ITGB3: variants seen among roughly 807,000 people sequenced by gnomAD.
ITGB3 encodes the protein integrin beta-3.
ITGB3 carries 48 observed loss-of-function variants against 85.8 expected under a neutral mutation model. That is an observed-to-expected ratio of 0.56 (90% CI 0.44 to 0.71). The LOEUF is 0.71. ITGB3 is among the 30% of genes least tolerant of loss of function. ITGB3 has a pLI of 0.00. For missense variants in ITGB3, 861 were observed against 1,019.1 expected (o/e 0.84, Z 2.11); for synonymous variants, 363 against 395.6 (o/e 0.92, Z 0.98).
intron 1 of ITGB3, among the ~76,000 whole-genome samples, chr17:47,267,305 A>G (rs921321016): frequency 1.3e-5 from 2 of 152,158 alleles, no homozygotes; most frequent in African/African-American, 4.8e-5. Context: ...TGTAAGTGAC[A>G]TTATGGTGAA....
At chr17:47,307,421 T>C (rs2065192611) in intron 13 of ITGB3, 50 bp from the exon 14 acceptor site, 16 of 1,605,274 alleles carry the variant, frequency 1.0e-5, no homozygotes, top group Non-Finnish European at 1.4e-5. Flanking sequence ...CCAGTTCAAG[T>C]GACTCCTGCT....
intron 2 of ITGB3, among the ~76,000 whole-genome samples, chr17:47,274,835 C>G (rs759021489): frequency 3.3e-5 from 5 of 152,124 alleles, no homozygotes; most frequent in Non-Finnish European, 7.3e-5. Context: ...TTGGTAGAGA[C>G]AGGGTCTCAC....
chr17:47,278,065 A>G (rs2065069939), intron 2 of ITGB3, among the ~76,000 whole-genome samples: 1 of 152,156 alleles, frequency 6.6e-6, no homozygotes, highest in Admixed American at 6.6e-5. Context: ...AATACCAACA[A>G]CTATAAACAA....
In ITGB3 at chr17:47,253,867, A is replaced by G; in HGVS notation, c.6A>G (p.Arg2=). Residue 2 remains arginine, a synonymous_variant, in exon 1 of 15, where the codon CGA becomes CGG. Transcript: ENST00000559488. M[R]ARPRPRPLWA... is the part of the protein sequence containing the mutation. ...CGCCGCGGGAGGCGGACGAGATGCGAGCGCGGCCGCGGCCCCGGCCGCTCT... is the reference window on the plus strand; with the variant it reads ...CGCCGCGGGAGGCGGACGAGATGCGGGCGCGGCCGCGGCCCCGGCCGCTCT... 8.1e-7 allele frequency: 1 copy of G among 1,239,612 alleles called. No homozygotes were observed. The highest frequency in any genetic ancestry group is 1.0e-6 in the Non-Finnish European group (1 of 992,808). 76.8% of individuals were successfully genotyped at this position (1,239,612 alleles called of 1,614,324 possible).
intron 2 of ITGB3, 142 bp from the exon 3 acceptor site, chr17:47,283,212 C>T: frequency 1.2e-6 from 1 of 856,176 alleles, no homozygotes; most frequent in Non-Finnish European, 1.9e-6. Context: ...AAGGGATTAT[C>T]CCAGGAAAGA....
At chr17:47,297,675 C>T (rs540800674) in intron 10 of ITGB3, among the ~76,000 whole-genome samples, 2 of 151,496 alleles carry the variant, frequency 1.3e-5, no homozygotes, top group South Asian at 4.2e-4. Context: ...GAACTTGGCA[C>T]AAGCCCACAA....
intron 14 of ITGB3, among the ~76,000 whole-genome samples, chr17:47,307,999 C>T (rs990846657): frequency 6.6e-5 from 10 of 151,848 alleles, no homozygotes; most frequent in African/African-American, 2.4e-4. Flanking sequence ...AACCCCGTCT[C>T]TATTAATAAT....
chr17:47,294,783 C>T (rs2143119362), intron 10 of ITGB3, among the ~76,000 whole-genome samples: 1 of 152,372 alleles, frequency 6.6e-6, no homozygotes, highest in South Asian at 2.1e-4. Context: ...TAAAGCCCCA[C>T]TCACCATTGC....
chr17:47,297,638 C>T (rs947627447), intron 10 of ITGB3, among the ~76,000 whole-genome samples: 2 of 151,394 alleles, frequency 1.3e-5, no homozygotes, highest in African/African-American at 4.9e-5. Flanking sequence ...GCCTGGGTGA[C>T]AGTGAGACTC....
intron 1 of ITGB3, among the ~76,000 whole-genome samples, chr17:47,255,834 C>T (rs540857600): frequency 1.4e-4 from 22 of 152,328 alleles, no homozygotes; most frequent in African/African-American, 4.8e-4. Context: ...TGTTAGCGTG[C>T]AGTGAGCAGT....
At chr17:47,284,395 A>G (rs1481599834) in intron 3 of ITGB3, 48 bp from the exon 4 acceptor site, 3 of 1,612,626 alleles carry the variant, frequency 1.9e-6, no homozygotes, top group African/African-American at 2.7e-5. Flanking sequence ...TGCTTATTCA[A>G]TCTTGGTGGG....
intron 14 of ITGB3, 126 bp downstream of exon 14, chr17:47,307,763 A>T (rs2065194823): frequency 3.3e-6 from 3 of 916,552 alleles, no homozygotes; most frequent in African/African-American, 1.6e-5. Context: ...TGTTCTGGAA[A>T]CTGGGAGAGA....
In ITGB3 at chr17:47,253,946, T is replaced by C; in HGVS notation, c.79+6T>C. The C allele has an allele frequency of 7.1e-7, 1 of 1,413,588 alleles. No individual in the cohort carries two copies. The highest frequency in any genetic ancestry group is 1.4e-5 in the South Asian group (1 of 69,210). The allele number at this position is 1,413,588 out of a possible 1,614,324, so 87.6% of individuals were successfully genotyped here. ...GGCGGGCGTTGGCGTAGGAGGTGAG[T>C]GAGGCTCCGGCTCGGCAGCGTCGCA... On this transcript the variant is annotated splice_donor_region_variant and intron_variant, in intron 1 of 14. Coordinates refer to ENST00000559488, the MANE Select transcript of ITGB3 (RefSeq NM_000212.3).
At chr17:47,270,593 T>TC (rs1293382308) in intron 1 of ITGB3, among the ~76,000 whole-genome samples, 2 of 152,212 alleles carry the variant, frequency 1.3e-5, no homozygotes, top group Non-Finnish European at 2.9e-5. Flanking sequence ...GGCTGCCCCA[T>TC]CTCAGAGGTG....
At chr17:47,259,878 A>G (rs1159299616) in intron 1 of ITGB3, among the ~76,000 whole-genome samples, 1 of 152,234 alleles carries the variant, frequency 6.6e-6, no homozygotes, top group Non-Finnish European at 1.5e-5. Context: ...CAGCCTGAGC[A>G]ACAAGAGCAA....
rs774332906 is a variant in ITGB3 at position 47,290,960 on chromosome 17, C to T, written c.1132C>T (p.Arg378Cys). The change falls in exon 9 of 15, where the codon CGT becomes TGT. Residue 378 changes from arginine to cysteine, a missense_variant. Transcript: ENST00000559488. Reference protein sequence around the residue: ...QLIVDAYGKIRSKVELEVRDL... With the variant: ...QLIVDAYGKICSKVELEVRDL... Reference sequence around the variant, plus strand: ...TGTGCCCCTTTCTGCTCAGAAAATCCGTTCTAAAGTAGAGCTGGAAGTGCG... The same window carrying T: ...TGTGCCCCTTTCTGCTCAGAAAATCTGTTCTAAAGTAGAGCTGGAAGTGCG... The T allele has an allele frequency of 3.7e-6, 6 of 1,614,088 alleles. No individual in the cohort carries two copies. Among genetic ancestry groups the T allele is most frequent in the East Asian group, 4.5e-5 (2 of 44,886 alleles).
intron 2 of ITGB3, among the ~76,000 whole-genome samples, chr17:47,280,320 T>C (rs541355298): frequency 6.6e-6 from 1 of 152,282 alleles, no homozygotes; most frequent in South Asian, 2.1e-4. Flanking sequence ...AGAGAGACTT[T>C]AAGCATTGGG....
intron 1 of ITGB3, among the ~76,000 whole-genome samples, chr17:47,265,257 A>G (rs997704815): frequency 2.0e-5 from 3 of 152,218 alleles, no homozygotes; most frequent in Non-Finnish European, 4.4e-5. Context: ...CATGCCATAT[A>G]CATGATGGAG....
Position 47,253,871 on chromosome 17 carries a change from C to T in ITGB3, c.10C>T (p.Arg4Trp). Residue 4 changes from arginine to tryptophan, a missense_variant, in exon 1 of 15, where the codon CGG (arginine) becomes TGG (tryptophan). Physicochemically the swap from Arg to Trp is moderately radical, Grantham distance 101 (BLOSUM62 -3). Transcript: ENST00000559488. MRA[R>W]PRPRPLWATV... ...GCGGGAGGCGGACGAGATGCGAGCG[C>T]GGCCGCGGCCCCGGCCGCTCTGGGC... 1.6e-6 allele frequency: 2 copies of T among 1,243,812 alleles called. No individual in the cohort carries two copies. Among genetic ancestry groups the T allele is most frequent in the Non-Finnish European group, 2.0e-6 (2 of 994,760 alleles). The allele number at this position is 1,243,812 out of a possible 1,614,324, so 77.0% of individuals were successfully genotyped here.
Sources: gnomAD v4.1 joint callset for allele counts (sites outside exome capture counted in the v4.1 genomes callset) on GRCh38, gnomAD v4.1.1 for gene constraint, MANE v1.5 for transcripts, NCBI Gene and HGNC (gene_info 2026-07-23, HGNC 2026-07-21) for gene names.